The following CDH20 variants were observed in gnomAD, a reference collection of about 807,000 sequenced individuals.
CDH20 encodes the protein cadherin 20.
A neutral mutation model predicts 74.2 loss-of-function variants in CDH20; 29 were observed. That is an observed-to-expected ratio of 0.39 (90% confidence interval 0.29 to 0.53). CDH20 has a LOEUF of 0.53. Among genes scored for constraint, CDH20 ranks in the 20% least tolerant of loss-of-function variants. CDH20 has a pLI of 0.69. For missense variants in CDH20, 988 were observed against 1,048.3 expected, an observed-to-expected ratio of 0.94 and a Z score of 0.79; for synonymous variants, 469 against 405.4, an observed-to-expected ratio of 1.16 and a Z score of -1.88.
At chr18:61,507,980 G>T (rs1046818248) in intron 6 of CDH20, among the ~76,000 whole-genome samples, 1 of 152,030 alleles carries the variant, frequency 6.6e-6, no homozygotes, top group Non-Finnish European at 1.5e-5. Context: ...TAACATGCAA[G>T]GGTTTTTTAA....
chr18:61,433,749 G>A (rs1460935656), intron 1 of CDH20, among the ~76,000 whole-genome samples: 1 of 152,132 alleles, frequency 6.6e-6, no homozygotes, highest in East Asian at 1.9e-4. Context: ...CTCTCCTGGT[G>A]CTTGCTGTTA....
intron 1 of CDH20, among the ~76,000 whole-genome samples, chr18:61,375,374 C>T (rs1674015890): frequency 6.6e-6 from 1 of 152,176 alleles, no homozygotes; most frequent in Non-Finnish European, 1.5e-5. Context: ...CAAATTTCTG[C>T]TCTAGTTGGA....
At chr18:61,367,196 G>A (rs754174016) in intron 1 of CDH20, among the ~76,000 whole-genome samples, 6 of 152,056 alleles carry the variant, frequency 3.9e-5, no homozygotes, top group African/African-American at 7.2e-5. Flanking sequence ...AGAGAAGCAC[G>A]GCAAGTTCCT....
chr18:61,507,410 T>C lies in CDH20; in HGVS notation c.867T>C (p.Ile289=), dbSNP rs200044245. 1.2e-6 allele frequency: 2 copies of C among 1,614,094 alleles called. No homozygotes were observed. The highest frequency in any genetic ancestry group is 1.3e-5 in the African/African-American group (1 of 75,060). ...TGAGTGTGTTGGAATCAGCTCCAAT[T>C]AGCTCCACTGTCGGGAGAGTGTTTG... ...YQMSVLESAP[I]SSTVGRVFAK... is the part of the protein sequence containing the mutation. The change falls in exon 6 of 12, where the codon ATT becomes ATC. Residue 289 remains isoleucine, a synonymous_variant. Coordinates refer to ENST00000262717, the MANE Select transcript of CDH20 (RefSeq NM_031891.4).
intron 6 of CDH20, among the ~76,000 whole-genome samples, chr18:61,527,366 A>AATAG (rs10585438): frequency 0.057 from 8,122 of 142,046 alleles, 274 homozygotes; most frequent in African/African-American, 0.097. Context: ...TGAATATTCT[A>AATAG]ATAGATAGAT....
At chr18:61,367,734 G>A (rs999232816) in intron 1 of CDH20, among the ~76,000 whole-genome samples, 1 of 152,094 alleles carries the variant, frequency 6.6e-6, no homozygotes, top group Non-Finnish European at 1.5e-5. Flanking sequence ...CAAACTGGGT[G>A]GCTTAAACAA....
At chr18:61,421,013 T>C (rs1366025686) in intron 1 of CDH20, among the ~76,000 whole-genome samples, 1 of 152,142 alleles carries the variant, frequency 6.6e-6, no homozygotes, top group Non-Finnish European at 1.5e-5. Flanking sequence ...ATTGCACCAC[T>C]GCACTCCAGT....
chr18:61,458,263 C>G (rs1351739733), intron 1 of CDH20, among the ~76,000 whole-genome samples: 2 of 152,094 alleles, frequency 1.3e-5, no homozygotes, highest in African/African-American at 4.8e-5. Context: ...TAGGGTCTTC[C>G]TTACTGAAGA....
At chr18:61,439,388 T>A (rs1482738250) in intron 1 of CDH20, among the ~76,000 whole-genome samples, 2 of 152,132 alleles carry the variant, frequency 1.3e-5, no homozygotes, top group Non-Finnish European at 2.9e-5. Context: ...AAATGGACAC[T>A]GTTCAAGGAA....
chr18:61,450,677 A>G (rs1447212136), intron 1 of CDH20, among the ~76,000 whole-genome samples: 1 of 152,060 alleles, frequency 6.6e-6, no homozygotes, highest in Admixed American at 6.6e-5. Context: ...TTCTGTACAC[A>G]TATATGTACA....
At chr18:61,458,794 G>A (rs1243977072) in intron 1 of CDH20, among the ~76,000 whole-genome samples, 1 of 152,196 alleles carries the variant, frequency 6.6e-6, no homozygotes, top group Non-Finnish European at 1.5e-5. Flanking sequence ...GAAGGTGATG[G>A]CAGAGTAAAT....
At chr18:61,535,019 TA>T (rs988545409) in intron 7 of CDH20, among the ~76,000 whole-genome samples, 18 of 152,092 alleles carry the variant, frequency 1.2e-4, no homozygotes, top group African/African-American at 4.3e-4. Context: ...ACTTGTCAAT[TA>T]AAAAAATAAA....
intron 1 of CDH20, among the ~76,000 whole-genome samples, chr18:61,411,007 T>A (rs1912476876): frequency 6.6e-6 from 1 of 152,078 alleles, no homozygotes; most frequent in Non-Finnish European, 1.5e-5. Flanking sequence ...AAGACCATCC[T>A]GGTTAACACG....
At position 61,507,425 on chromosome 18, in the gene CDH20, G is replaced by T; in HGVS notation, c.882G>T (p.Gly294=). The change falls in exon 6 of 12, where the codon GGG becomes GGT. Residue 294 remains glycine (G), a synonymous_variant. Coordinates refer to ENST00000262717, the MANE Select transcript of CDH20 (RefSeq NM_031891.4). ...LESAPISSTV[G]RVFAKDLDEG... Reference sequence around the variant, plus strand: ...CAGCTCCAATTAGCTCCACTGTCGGGAGAGTGTTTGCCAAGGACTTGGATG... The same window carrying T: ...CAGCTCCAATTAGCTCCACTGTCGGTAGAGTGTTTGCCAAGGACTTGGATG... 6.2e-7 allele frequency: 1 copy of T among 1,614,120 alleles called. No individual in the cohort carries two copies.
chr18:61,511,936 A>G (rs1911797336), intron 6 of CDH20, among the ~76,000 whole-genome samples: 1 of 152,248 alleles, frequency 6.6e-6, no homozygotes, highest in South Asian at 2.1e-4. Context: ...GACAAATCAC[A>G]TATAATAAAT....
intron 7 of CDH20, among the ~76,000 whole-genome samples, chr18:61,533,315 A>G (rs1912713003): frequency 6.6e-6 from 1 of 152,110 alleles, no homozygotes; most frequent in South Asian, 2.1e-4. Context: ...ATTTCTAAAG[A>G]AAGAAAAAAA....
intron 1 of CDH20, among the ~76,000 whole-genome samples, chr18:61,416,629 T>G (rs1289763461): frequency 2.0e-5 from 3 of 152,220 alleles, no homozygotes; most frequent in African/African-American, 7.2e-5. Flanking sequence ...GTGCGTGCCC[T>G]AGATTAGTCA....
At chr18:61,463,949 G>A (rs1424373503) in intron 1 of CDH20, among the ~76,000 whole-genome samples, 4 of 152,036 alleles carry the variant, frequency 2.6e-5, no homozygotes, top group Admixed American at 6.6e-5. Context: ...TGCCCACACC[G>A]AGCCTGGAAA....
chr18:61,504,822 G>A (rs1868615857), intron 5 of CDH20, among the ~76,000 whole-genome samples: 1 of 151,966 alleles, frequency 6.6e-6, no homozygotes, highest in Non-Finnish European at 1.5e-5. Context: ...GTAAACACAG[G>A]AGATCTCAAA....
Sources: gnomAD v4.1 joint callset for allele counts (sites outside exome capture counted in the v4.1 genomes callset) on GRCh38, gnomAD v4.1.1 for gene constraint, MANE v1.5 for transcripts, NCBI Gene and HGNC (gene_info 2026-07-23, HGNC 2026-07-21) for gene names.